The following DACH2 variants were observed in gnomAD, a reference collection of about 807,000 sequenced individuals.
DACH2 encodes dachshund homolog 2.
Under a neutral mutation model 35.8 loss-of-function variants are expected in DACH2, and 17 were observed. The observed-to-expected ratio is 0.48, with a 90% CI of 0.33 to 0.71. The LOEUF (loss-of-function observed/expected upper bound fraction) is 0.71. DACH2 is among the 30% of genes least tolerant of loss of function. The probability of loss-of-function intolerance (pLI) is 0.02; values close to 1 mark genes in which losing one functional copy is unlikely to be tolerated. For synonymous variants in DACH2, 195 were observed against 177.3 expected, an observed-to-expected ratio of 1.10 and a Z score of -0.79; for missense variants, 469 against 472.7, an observed-to-expected ratio of 0.99 and a Z score of 0.07.
intron 1 of DACH2, among the ~76,000 whole-genome samples, chrX:86,306,015 A>T (rs1472663974): frequency 1.8e-5 from 2 of 112,308 alleles, no homozygotes; most frequent in Non-Finnish European, 3.8e-5. Flanking sequence ...AAATTAGTTT[A>T]GTCATATGGG....
At chrX:86,819,132 C>T (rs897364608) in intron 11 of DACH2, among the ~76,000 whole-genome samples, 5 of 108,208 alleles carry the variant, frequency 4.6e-5, no homozygotes, top group South Asian at 3.9e-4. Flanking sequence ...TTGACAGAGA[C>T]GATAATATGC....
At chrX:86,617,857 A>G (rs2040024687) in intron 3 of DACH2, among the ~76,000 whole-genome samples, 2 of 112,568 alleles carry the variant, frequency 1.8e-5, no homozygotes, top group African/African-American at 6.4e-5. Context: ...TGTTTTCACC[A>G]TCACTTAGCA....
chrX:86,666,652 A>C (rs760560849), intron 4 of DACH2, among the ~76,000 whole-genome samples: 44 of 111,506 alleles, frequency 3.9e-4, no homozygotes, highest in African/African-American at 1.4e-3. Flanking sequence ...AGTAAGTGGG[A>C]TAAGATTACA....
At chrX:86,424,572 T>C (rs1361349612) in intron 2 of DACH2, among the ~76,000 whole-genome samples, 3 of 111,710 alleles carry the variant, frequency 2.7e-5, no homozygotes, top group Non-Finnish European at 5.7e-5. Flanking sequence ...GTTCAAATAG[T>C]TTTCTTTTGT....
intron 5 of DACH2, 84 bp downstream of exon 5, chrX:86,695,263 T>C (rs2041054536): frequency 1.3e-6 from 1 of 792,716 alleles, no homozygotes; most frequent in Non-Finnish European, 1.6e-6. Context: ...TGGCAGGGCT[T>C]AGTCTATTTT....
intron 1 of DACH2, among the ~76,000 whole-genome samples, chrX:86,166,346 A>AT (rs762153941): frequency 2.7e-5 from 3 of 110,459 alleles, no homozygotes; most frequent in Non-Finnish European, 3.8e-5. Context: ...AAGTTTTAGA[A>AT]TTTTTTCTTT....
At chrX:86,266,582 G>T (rs2033717056) in intron 1 of DACH2, among the ~76,000 whole-genome samples, 1 of 111,740 alleles carries the variant, frequency 8.9e-6, no homozygotes, top group Non-Finnish European at 1.9e-5. Flanking sequence ...CAAATTTGTA[G>T]CTTGATTTGG....
chrX:86,498,974 T>C (rs2038211679), intron 2 of DACH2, among the ~76,000 whole-genome samples: 1 of 112,289 alleles, frequency 8.9e-6, no homozygotes, highest in Admixed American at 9.5e-5. Flanking sequence ...AGCTGCTTTG[T>C]ATTTCTTTTA....
At chrX:86,423,874 TAGGGTCTAGG>T (rs1602503650) in intron 2 of DACH2, among the ~76,000 whole-genome samples, 1 of 110,422 alleles carries the variant, frequency 9.1e-6, no homozygotes, top group Admixed American at 9.7e-5. Flanking sequence ...AAATCAGAAA[TAGGGTCTAGG>T]TTCATTCTTC....
At chrX:86,661,775 CA>C (rs1389688025) in intron 4 of DACH2, among the ~76,000 whole-genome samples, 2 of 111,875 alleles carry the variant, frequency 1.8e-5, no homozygotes, top group Non-Finnish European at 3.8e-5. Flanking sequence ...TTTACATTTC[CA>C]AAGTGAATTT....
At chrX:86,317,193 C>T (rs987672159) in intron 1 of DACH2, among the ~76,000 whole-genome samples, 1 of 110,244 alleles carries the variant, frequency 9.1e-6, no homozygotes, top group African/African-American at 3.3e-5. Context: ...GCACTGTAGG[C>T]CATAACCATG....
intron 3 of DACH2, among the ~76,000 whole-genome samples, chrX:86,612,362 A>G (rs2039956501): frequency 9.1e-6 from 1 of 109,765 alleles, no homozygotes; most frequent in Non-Finnish European, 1.9e-5. Flanking sequence ...TGGCCCACAC[A>G]GGTTGTGTAC....
At chrX:86,443,959 C>T (rs1335462188) in intron 2 of DACH2, among the ~76,000 whole-genome samples, 1 of 111,530 alleles carries the variant, frequency 9.0e-6, no homozygotes, top group East Asian at 2.8e-4. Flanking sequence ...CTGTAGTTTT[C>T]TTTTTCTGTG....
At chrX:86,293,053 G>A (rs1464480759) in intron 1 of DACH2, among the ~76,000 whole-genome samples, 1 of 95,236 alleles carries the variant, frequency 1.1e-5, no homozygotes, top group Non-Finnish European at 2.1e-5. Flanking sequence ...ATTAATGTGT[G>A]GGAGTCTAAG....
At chrX:86,151,615 G>A (rs371003581) in intron 1 of DACH2, among the ~76,000 whole-genome samples, 7 of 111,037 alleles carry the variant, frequency 6.3e-5, no homozygotes, top group East Asian at 2.8e-4. Context: ...TTGCTGATTC[G>A]AAGTGCCCTC....
chrX:86,733,216 G>C (rs73510114), intron 6 of DACH2, among the ~76,000 whole-genome samples: 100 of 111,680 alleles, frequency 9.0e-4, no homozygotes, highest in African/African-American at 3.2e-3. Context: ...AAAAGCTAAA[G>C]GAGTCACTGG....
intron 7 of DACH2, among the ~76,000 whole-genome samples, chrX:86,781,141 A>T (rs2042085617): frequency 1.8e-5 from 2 of 111,655 alleles, no homozygotes; most frequent in East Asian, 5.7e-4. Flanking sequence ...AAGGCTGTGC[A>T]TGCACTTTTC....
At chrX:86,457,329 A>G (rs1279665128) in intron 2 of DACH2, among the ~76,000 whole-genome samples, 1 of 111,974 alleles carries the variant, frequency 8.9e-6, no homozygotes, top group Non-Finnish European at 1.9e-5. Context: ...CAGGGAGACC[A>G]AGAGAAAGTA....
intron 1 of DACH2, among the ~76,000 whole-genome samples, chrX:86,286,408 G>A (rs2034153179): frequency 9.0e-6 from 1 of 110,968 alleles, no homozygotes; most frequent in Non-Finnish European, 1.9e-5. Flanking sequence ...GGGATTACAG[G>A]AGCCAGTCTG....
Sources: allele counts gnomAD v4.1 joint callset (sites outside exome capture counted in the v4.1 genomes callset), GRCh38; gene constraint gnomAD v4.1.1; transcripts MANE v1.5; gene names NCBI Gene and HGNC (gene_info 2026-07-23, HGNC 2026-07-21).